The following SNAP91 variants were observed in gnomAD, a reference collection of about 807,000 sequenced individuals.
The protein encoded by SNAP91 is clathrin coat assembly protein AP180.
Under a neutral mutation model 100.3 loss-of-function variants are expected in SNAP91, and 27 were observed. That is an observed-to-expected ratio of 0.27 (90% CI 0.20 to 0.37). The LOEUF is 0.37. Ranked by LOEUF, SNAP91 falls within the 10% of genes least tolerant of loss-of-function variation. The pLI is 1.00. For missense variants in SNAP91, 986 were observed against 1,123.7 expected (o/e 0.88, Z 1.75); for synonymous variants, 404 against 398.6 (o/e 1.01, Z -0.16).
intron 2 of SNAP91, among the ~76,000 whole-genome samples, chr6:83,676,110 CAAAA>C (rs34754235): frequency 1.5e-5 from 2 of 134,034 alleles, no homozygotes; most frequent in Non-Finnish European, 1.6e-5. Flanking sequence ...GACCCTATCT[CAAAA>C]AAAAAAAAAA....
chr6:83,649,337 A>G (rs2098094964), intron 7 of SNAP91, among the ~76,000 whole-genome samples: 1 of 152,144 alleles, frequency 6.6e-6, no homozygotes, highest in African/African-American at 2.4e-5. Context: ...TGTTGACAGA[A>G]GGTCTCAGTT....
At chr6:83,567,035 C>T (rs935872317) in intron 26 of SNAP91, among the ~76,000 whole-genome samples, 2 of 152,112 alleles carry the variant, frequency 1.3e-5, no homozygotes, top group African/African-American at 2.4e-5. Context: ...AACACTTGGG[C>T]TCAAGCAATC....
intron 2 of SNAP91, among the ~76,000 whole-genome samples, chr6:83,665,897 T>C (rs1209138332): frequency 6.6e-6 from 1 of 152,128 alleles, no homozygotes; most frequent in Non-Finnish European, 1.5e-5. Context: ...CTAAGCCTCA[T>C]GTATTTAATC....
chr6:83,667,984 GA>G (rs1187091029), intron 2 of SNAP91, among the ~76,000 whole-genome samples: 1 of 151,830 alleles, frequency 6.6e-6, no homozygotes, highest in Non-Finnish European at 1.5e-5. Flanking sequence ...AAATTTACAA[GA>G]AAAAAACAAA....
At chr6:83,677,844 A>G (rs138550958) in intron 2 of SNAP91, among the ~76,000 whole-genome samples, 78 of 152,326 alleles carry the variant, frequency 5.1e-4, no homozygotes, top group African/African-American at 1.8e-3. Context: ...CTTTAAAAGG[A>G]TAAGTAAAAA....
intron 2 of SNAP91, among the ~76,000 whole-genome samples, chr6:83,674,005 T>C (rs1269078375): frequency 6.6e-6 from 1 of 152,212 alleles, no homozygotes; most frequent in Non-Finnish European, 1.5e-5. Context: ...CATCTATAAG[T>C]TGAAGATAAC....
Position 83,688,628 on chromosome 6 carries a change from T to C in SNAP91, c.130+19170A>G, listed in dbSNP as rs371752806. Among the ~76,000 whole-genome samples, 3 of 151,880 alleles carry C rather than the reference T, an allele frequency of 2.0e-5. No homozygotes were observed. In the East Asian group the frequency reaches 5.8e-4, roughly 30 times the overall value. ...AAGCGATTCTCCTGCCTCAGCCTCC[T>C]GAGGAGCTGGGACTACAGACATATG... is the stretch of plus-strand genomic sequence containing the variant. On this transcript the variant is annotated intron_variant, in intron 2 of 29. Transcript: ENST00000369694.
chr6:83,688,792 T>C (rs981199305), intron 2 of SNAP91, among the ~76,000 whole-genome samples: 18 of 152,210 alleles, frequency 1.2e-4, no homozygotes, highest in African/African-American at 4.3e-4. Flanking sequence ...CTAAAAAGCC[T>C]TTCCTGACTA....
At chr6:83,656,701 C>CA (rs1209711445) in intron 7 of SNAP91, 53 bp downstream of exon 7, 3 of 760,276 alleles carry the variant, frequency 3.9e-6, no homozygotes, top group Non-Finnish European at 6.4e-6. Context: ...CAGAATTCAT[C>CA]AATCTTACTG....
chr6:83,575,178 A>C, intron 25 of SNAP91, 57 bp from the exon 26 acceptor site: 1 of 1,176,812 alleles, frequency 8.5e-7, no homozygotes, highest in Non-Finnish European at 1.2e-6. Flanking sequence ...TCAGAAAAAA[A>C]TGGTGTGTGG....
At chr6:83,574,913 A>G in intron 26 of SNAP91, 97 bp downstream of exon 26, 1 of 725,032 alleles carries the variant, frequency 1.4e-6, no homozygotes, top group Non-Finnish European at 2.4e-6. Context: ...AGGAATAAGT[A>G]CACCGTCGGC....
chr6:83,606,419 G>C (rs928959435), intron 13 of SNAP91, among the ~76,000 whole-genome samples: 1 of 150,734 alleles, frequency 6.6e-6, no homozygotes, highest in Non-Finnish European at 1.5e-5. Flanking sequence ...GCTTTTCAAA[G>C]CTTCTCTGTC....
At chr6:83,678,946 A>G in intron 2 of SNAP91, 1 of 1,030,974 alleles carries the variant, frequency 9.7e-7, no homozygotes, top group Non-Finnish European at 1.2e-6. Flanking sequence ...ATCTAAGTGA[A>G]ATGAAAAAAA....
chr6:83,668,156 T>C (rs919966081), intron 2 of SNAP91, among the ~76,000 whole-genome samples: 16 of 151,946 alleles, frequency 1.1e-4, no homozygotes, highest in African/African-American at 3.9e-4. Context: ...GTTAGAATGG[T>C]GATCATTAAA....
intron 17 of SNAP91, 23 bp from the exon 18 acceptor site, chr6:83,593,764 C>T (rs2094125961): frequency 6.5e-7 from 1 of 1,539,004 alleles, no homozygotes; most frequent in Admixed American, 2.0e-5. Context: ...AAAGTGGAGA[C>T]ACACACAGCA....
At chr6:83,661,633 T>C in intron 4 of SNAP91, 29 bp from the exon 5 acceptor site, 4 of 1,306,860 alleles carry the variant, frequency 3.1e-6, no homozygotes, top group Middle Eastern at 3.8e-4. Flanking sequence ...GAAATAAAAC[T>C]AATTAATAAA....
intron 8 of SNAP91, among the ~76,000 whole-genome samples, chr6:83,625,452 G>C (rs1424212990): frequency 6.6e-6 from 1 of 152,082 alleles, no homozygotes; most frequent in Non-Finnish European, 1.5e-5. Flanking sequence ...TTAGTTCTTT[G>C]AGAAATCTCC....
intron 2 of SNAP91, chr6:83,678,723 C>T: frequency 7.8e-7 from 1 of 1,286,262 alleles, no homozygotes; most frequent in Non-Finnish European, 1.0e-6. Context: ...TATTGAGAAT[C>T]CTTGGCACCA....
chr6:83,680,554 ATTC>A (rs2098974755), intron 2 of SNAP91, among the ~76,000 whole-genome samples: 1 of 152,132 alleles, frequency 6.6e-6, no homozygotes, highest in African/African-American at 2.4e-5. Context: ...TCCAAACTTA[ATTC>A]TTCTTAGTTC....
Sources: gnomAD v4.1 joint callset for allele counts (sites outside exome capture counted in the v4.1 genomes callset) on GRCh38, gnomAD v4.1.1 for gene constraint, MANE v1.5 for transcripts, NCBI Gene and HGNC (gene_info 2026-07-23, HGNC 2026-07-21) for gene names.